Variants in CLSTN2 observed in about 807,000 individuals in gnomAD.
CLSTN2 encodes the protein calsyntenin 2, also known as calsyntenin-2.
Under a neutral mutation model 101.2 loss-of-function variants are expected in CLSTN2, and 48 were observed. The observed-to-expected ratio is 0.47, with a 90% CI of 0.38 to 0.60. The LOEUF is 0.60. CLSTN2 is among the 20% of genes least tolerant of loss of function. CLSTN2 has a pLI of 0.00. For synonymous variants in CLSTN2, 481 were observed against 463.6 expected (o/e 1.04, Z -0.48); for missense variants, 1,160 against 1,238.2 (o/e 0.94, Z 0.95).
At chr3:140,039,369 T>G (rs1418492495) in intron 1 of CLSTN2, among the ~76,000 whole-genome samples, 1 of 152,180 alleles carries the variant, frequency 6.6e-6, no homozygotes, top group African/African-American at 2.4e-5. Context: ...TGTAATACAT[T>G]TTGCCAAATT....
rs1935851910 is a variant in CLSTN2, at chr3:140,558,737, G to A, written c.1921G>A (p.Asp641Asn). Residue 641 changes from aspartate (D) to asparagine (N), a missense_variant, in exon 12 of 17, where the codon GAC becomes AAC. Transcript: ENST00000458420. ...GCCCCGGATCACCCTCCGGGGCACA[G>A]ACCACTTCTGGAGACCTGCTGCCCA... is the stretch of plus-strand genomic sequence containing the variant. ...IEPRITLRGT[D>N]HFWRPAAQFE... The A allele has an allele frequency of 2.5e-6, 4 of 1,613,998 alleles. No individual in the cohort carries two copies. The highest frequency in any genetic ancestry group is 1.7e-5 in the Admixed American group (1 of 60,004).
chr3:140,288,810 G>A (rs968817391), intron 2 of CLSTN2, among the ~76,000 whole-genome samples: 1 of 152,094 alleles, frequency 6.6e-6, no homozygotes, highest in African/African-American at 2.4e-5. Context: ...TCTTTAAGTG[G>A]AGAAAATCCA....
At chr3:140,525,034 G>T (rs1176498801) in intron 8 of CLSTN2, among the ~76,000 whole-genome samples, 2 of 152,082 alleles carry the variant, frequency 1.3e-5, no homozygotes. Flanking sequence ...ACACCTAGAG[G>T]AAGAAGGGGA....
At position 140,009,809 on chromosome 3, in the gene CLSTN2, G is replaced by A. The variant is rs531849780; in HGVS notation, c.109+74326G>A. ...TTATTTCCAAACTACAAAAGAAGCT[G>A]TAGCATCCACTTGTATTGCTCCCAC... On this transcript the variant is annotated intron_variant, in intron 1 of 16. Transcript: ENST00000458420. Among the ~76,000 whole-genome samples the A allele has an allele frequency of 3.3e-5, 5 of 152,356 alleles. No individual in the cohort carries two copies. The East Asian group carries it at 9.6e-4, about 29-fold the overall frequency.
At chr3:140,252,698 G>A (rs1045839710) in intron 2 of CLSTN2, among the ~76,000 whole-genome samples, 2 of 152,218 alleles carry the variant, frequency 1.3e-5, no homozygotes, top group African/African-American at 2.4e-5. Context: ...GTTATGCAGA[G>A]GATCATAGGA....
At chr3:140,565,943 G>A (rs1383940875) in intron 16 of CLSTN2, 110 bp from the exon 17 acceptor site, 24 of 1,364,406 alleles carry the variant, frequency 1.8e-5, no homozygotes, top group Middle Eastern at 2.4e-4. Context: ...ACTAAAAGAA[G>A]AAATTCCAAG....
At chr3:140,383,891 C>G (rs948116522) in intron 2 of CLSTN2, among the ~76,000 whole-genome samples, 2 of 152,112 alleles carry the variant, frequency 1.3e-5, no homozygotes, top group African/African-American at 4.8e-5. Context: ...TCACAATAGG[C>G]AAATTAGGGA....
chr3:140,080,845 C>G (rs931348368), intron 1 of CLSTN2, among the ~76,000 whole-genome samples: 3 of 152,178 alleles, frequency 2.0e-5, no homozygotes, highest in South Asian at 2.1e-4. Flanking sequence ...GGGGTGAGTG[C>G]GTGGTGTGTT....
intron 1 of CLSTN2, among the ~76,000 whole-genome samples, chr3:140,045,482 G>T (rs761914197): frequency 5.9e-5 from 9 of 152,124 alleles, no homozygotes; most frequent in Non-Finnish European, 1.2e-4. Context: ...ACCAGCTCCT[G>T]GATTCATTGA....
intron 2 of CLSTN2, among the ~76,000 whole-genome samples, chr3:140,373,391 C>T (rs2087880101): frequency 6.6e-6 from 1 of 152,174 alleles, no homozygotes; most frequent in Non-Finnish European, 1.5e-5. Flanking sequence ...ATAAAACATG[C>T]CCAGTGTTAA....
chr3:140,538,200 GGACTCTCCTCCA>G (rs1935395825), intron 9 of CLSTN2, among the ~76,000 whole-genome samples: 1 of 104,302 alleles, frequency 9.6e-6, no homozygotes, highest in Non-Finnish European at 1.7e-5. Context: ...CTCTGTCAGG[GGACTCTCCTCCA>G]GTGTCATGGG....
intron 2 of CLSTN2, among the ~76,000 whole-genome samples, chr3:140,239,861 G>GTA (rs986991940): frequency 7.9e-5 from 12 of 151,682 alleles, no homozygotes; most frequent in South Asian, 6.3e-4. Context: ...ATGTATGTAT[G>GTA]TATATATATC....
intron 2 of CLSTN2, among the ~76,000 whole-genome samples, chr3:140,399,361 A>G (rs1197812696): frequency 6.6e-6 from 1 of 152,252 alleles, no homozygotes; most frequent in Admixed American, 6.5e-5. Flanking sequence ...TTACACTGAC[A>G]CTGAGAACTG....
rs2086478721 is a variant in CLSTN2, at chr3:140,242,502, C to T, written c.232+66429C>T. Among the ~76,000 whole-genome samples the T allele has an allele frequency of 3.3e-5, 5 of 152,138 alleles. No individual in the cohort carries two copies. The South Asian group carries it at 8.3e-4, about 25-fold the overall frequency. On this transcript the variant is annotated intron_variant, in intron 2 of 16. Transcript: ENST00000458420. ...GTGCCTCATCTTGAGCCCCTGTTCT[C>T]TGAGTTCAGCCTCCCAGAGCCCAAG...
chr3:140,338,137 T>C (rs978647973), intron 2 of CLSTN2, among the ~76,000 whole-genome samples: 1 of 152,142 alleles, frequency 6.6e-6, no homozygotes, highest in African/African-American at 2.4e-5. Flanking sequence ...ATGCAGAAGG[T>C]CATTGACCTT....
chr3:140,037,048 T>A (rs1446607564), intron 1 of CLSTN2, among the ~76,000 whole-genome samples: 2 of 152,334 alleles, frequency 1.3e-5, no homozygotes, highest in African/African-American at 4.8e-5. Flanking sequence ...TTGTGTTATA[T>A]GTACAACTGC....
At chr3:140,325,395 A>G (rs891464759) in intron 2 of CLSTN2, among the ~76,000 whole-genome samples, 4 of 152,312 alleles carry the variant, frequency 2.6e-5, no homozygotes, top group African/African-American at 7.2e-5. Flanking sequence ...GTGAAGGTGA[A>G]TGATACAGTT....
intron 4 of CLSTN2, among the ~76,000 whole-genome samples, chr3:140,410,303 A>C (rs186141300): frequency 2.0e-5 from 3 of 152,114 alleles, no homozygotes; most frequent in Non-Finnish European, 4.4e-5. Flanking sequence ...CAAAAGAAAA[A>C]AAACATATAC....
intron 2 of CLSTN2, among the ~76,000 whole-genome samples, chr3:140,359,943 T>C (rs887800441): frequency 6.6e-6 from 1 of 151,862 alleles, no homozygotes; most frequent in African/African-American, 2.4e-5. Flanking sequence ...ATATACACTT[T>C]ATATATGTAT....
Sources: gnomAD v4.1 joint callset for allele counts (sites outside exome capture counted in the v4.1 genomes callset) on GRCh38, gnomAD v4.1.1 for gene constraint, MANE v1.5 for transcripts, NCBI Gene and HGNC (gene_info 2026-07-23, HGNC 2026-07-21) for gene names.